Variants in RASAL2 observed in about 807,000 individuals in gnomAD.
RASAL2 encodes RAS protein activator like 2.
Under a neutral mutation model 128.9 loss-of-function variants are expected in RASAL2, and 58 were observed. That is an observed-to-expected ratio of 0.45 (90% CI 0.36 to 0.56). RASAL2 has a LOEUF of 0.56. RASAL2 is among the 20% of genes least tolerant of loss of function. The pLI is 0.00. For missense variants in RASAL2, 1,360 were observed against 1,601.6 expected, an observed-to-expected ratio of 0.85 and a Z score of 2.57; for synonymous variants, 561 against 580.8, an observed-to-expected ratio of 0.97 and a Z score of 0.49.
intron 1 of RASAL2, among the ~76,000 whole-genome samples, chr1:178,101,652 A>G (rs1476345972): frequency 6.6e-6 from 1 of 152,188 alleles, no homozygotes; most frequent in African/African-American, 2.4e-5. Flanking sequence ...AGTTTTTGAT[A>G]TTTTTCAAAG....
intron 4 of RASAL2, among the ~76,000 whole-genome samples, chr1:178,390,935 G>A (rs1431527163): frequency 6.6e-6 from 1 of 152,040 alleles, no homozygotes; most frequent in Non-Finnish European, 1.5e-5. Flanking sequence ...AGCAGAGAGT[G>A]ACGAGACTCA....
At chr1:178,384,166 G>T (rs1292289345) in intron 3 of RASAL2, among the ~76,000 whole-genome samples, 1 of 152,106 alleles carries the variant, frequency 6.6e-6, no homozygotes, top group East Asian at 1.9e-4. Context: ...AAATTACTAA[G>T]AATTGGTTCA....
chr1:178,428,459 T>C (rs1675668059), intron 5 of RASAL2, among the ~76,000 whole-genome samples: 1 of 128,608 alleles, frequency 7.8e-6, no homozygotes, highest in Non-Finnish European at 1.7e-5. Context: ...CTTTTAGAAG[T>C]TTTATGATTT....
At chr1:178,307,212 T>G (rs550048384) in intron 3 of RASAL2, among the ~76,000 whole-genome samples, 1 of 152,162 alleles carries the variant, frequency 6.6e-6, no homozygotes, top group South Asian at 2.1e-4. Context: ...TTCTAGATTT[T>G]CTTAAGCAAT....
intron 1 of RASAL2, among the ~76,000 whole-genome samples, chr1:178,254,126 G>A (rs539330735): frequency 8.2e-4 from 125 of 152,130 alleles, no homozygotes; most frequent in Non-Finnish European, 1.6e-3. Flanking sequence ...CCCAGAATGT[G>A]CCATGTTCCT....
chr1:178,364,519 A>G (rs1398754024), intron 3 of RASAL2, among the ~76,000 whole-genome samples: 1 of 152,216 alleles, frequency 6.6e-6, no homozygotes, highest in East Asian at 1.9e-4. Flanking sequence ...CGTACTACCT[A>G]GTACATTGTA....
At chr1:178,341,606 CA>C in intron 3 of RASAL2, 1 of 1,613,880 alleles carries the variant, frequency 6.2e-7, no homozygotes, top group Non-Finnish European at 8.5e-7. Flanking sequence ...ATGCAGACCC[CA>C]GGTAAGAGTT....
chr1:178,198,146 G>A (rs1000364244), intron 1 of RASAL2, among the ~76,000 whole-genome samples: 2 of 152,166 alleles, frequency 1.3e-5, no homozygotes, highest in Admixed American at 6.5e-5. Context: ...TGTGAATAGT[G>A]CCACAATAAA....
chr1:178,253,324 A>T (rs1665143022), intron 1 of RASAL2, among the ~76,000 whole-genome samples: 1 of 152,252 alleles, frequency 6.6e-6, no homozygotes, highest in South Asian at 2.1e-4. Flanking sequence ...TAACTTAATT[A>T]CGTCTGCAAT....
At chr1:178,395,198 T>G (rs995545083) in intron 4 of RASAL2, among the ~76,000 whole-genome samples, 1 of 152,216 alleles carries the variant, frequency 6.6e-6, no homozygotes, top group Non-Finnish European at 1.5e-5. Flanking sequence ...TCAGACCAGT[T>G]AAATCAAAAT....
rs780115899 is a variant in RASAL2 at position 178,443,123 on chromosome 1, A to G, written c.1376A>G (p.Asn459Ser). Residue 459 changes from asparagine (N) to serine (S), a missense_variant, in exon 8 of 18, where the codon AAC becomes AGC. Around this residue, in one of 3 missense-constraint regions of RASAL2, gnomAD observed 617 missense variants for 714.2 expected, o/e 0.86. Coordinates refer to ENST00000367649, the MANE Select transcript of RASAL2 (RefSeq NM_170692.4). ...GAATTTGCAGAATTTGTCACCAGCA[A>G]CTACACCATGCTGTGTTCTGTCCTT... Reference protein sequence around the residue: ...YKEFAEFVTSNYTMLCSVLEP... With the variant: ...YKEFAEFVTSSYTMLCSVLEP... The G allele has an allele frequency of 5.0e-6, 8 of 1,613,762 alleles. No homozygotes were observed. The highest frequency in any genetic ancestry group is 1.6e-4 in the Middle Eastern group (1 of 6,082).
At chr1:178,132,220 T>A (rs995687775) in intron 1 of RASAL2, among the ~76,000 whole-genome samples, 15 of 148,628 alleles carry the variant, frequency 1.0e-4, no homozygotes, top group South Asian at 9.0e-4. Context: ...TAAAAAATTT[T>A]AAATTTTTTT....
At chr1:178,163,061 C>T (rs995504192) in intron 1 of RASAL2, among the ~76,000 whole-genome samples, 1 of 151,100 alleles carries the variant, frequency 6.6e-6, no homozygotes, top group African/African-American at 2.4e-5. Flanking sequence ...ACCTCTGCCT[C>T]CTGGTTTCAG....
intron 1 of RASAL2, among the ~76,000 whole-genome samples, chr1:178,122,363 A>G (rs551500124): frequency 3.3e-5 from 5 of 152,340 alleles, no homozygotes; most frequent in Admixed American, 6.5e-5. Context: ...TTGGGGATAC[A>G]CATTAAGTCA....
chr1:178,191,759 G>T (rs560613181), intron 1 of RASAL2, among the ~76,000 whole-genome samples: 1 of 152,202 alleles, frequency 6.6e-6, no homozygotes, highest in South Asian at 2.1e-4. Context: ...TTCATTTAAA[G>T]AAAATGTAAA....
At chr1:178,262,812 T>A (rs745538206) in intron 1 of RASAL2, among the ~76,000 whole-genome samples, 2,208 of 146,588 alleles carry the variant, frequency 0.015, 30 homozygotes, top group Non-Finnish European at 0.023. Flanking sequence ...TTTTTTTTTT[T>A]AAATCTGAGA....
intron 4 of RASAL2, among the ~76,000 whole-genome samples, chr1:178,409,110 A>G (rs1159382713): frequency 5.9e-5 from 9 of 152,250 alleles, no homozygotes; most frequent in African/African-American, 2.2e-4. Context: ...GAACTGCCAT[A>G]CTTTTAGGCC....
intron 3 of RASAL2, among the ~76,000 whole-genome samples, chr1:178,384,736 T>A (rs1321629282): frequency 6.6e-6 from 1 of 151,846 alleles, no homozygotes; most frequent in African/African-American, 2.4e-5. Context: ...AAAACTATTT[T>A]CCCTAGACAA....
At chr1:178,446,622 CAACAGCCACGTGTG>C (rs1677019578) in intron 9 of RASAL2, among the ~76,000 whole-genome samples, 1 of 152,100 alleles carries the variant, frequency 6.6e-6, no homozygotes, top group Non-Finnish European at 1.5e-5. Context: ...TTCTAATGCT[CAACAGCCACGTGTG>C]ACTATCAAGA....
Sources: gnomAD v4.1 joint callset for allele counts (sites outside exome capture counted in the v4.1 genomes callset) on GRCh38, gnomAD v4.1.1 for gene constraint, gnomAD v4.1.1 regional missense constraint, MANE v1.5 for transcripts, NCBI Gene and HGNC (gene_info 2026-07-23, HGNC 2026-07-21) for gene names.